The following SEPTIN9 variants were observed in gnomAD, a reference collection of about 807,000 sequenced individuals.
The protein encoded by SEPTIN9 is septin-9.
SEPTIN9 carries 13 observed loss-of-function variants against 56.6 expected under a neutral mutation model. The ratio of observed to expected loss-of-function variants is 0.23; its 90% CI spans 0.15 to 0.37. The LOEUF is 0.37. Among genes scored for constraint, SEPTIN9 ranks in the 10% least tolerant of loss-of-function variants. The probability of loss-of-function intolerance (pLI) is 1.00; values close to 1 mark genes in which losing one functional copy is unlikely to be tolerated. For synonymous variants in SEPTIN9, 332 were observed against 334.1 expected, an observed-to-expected ratio of 0.99 and a Z score of 0.07; for missense variants, 650 against 823.1, an observed-to-expected ratio of 0.79 and a Z score of 2.57.
At chr17:77,362,838 G>C (rs780017191) in intron 2 of SEPTIN9, among the ~76,000 whole-genome samples, 1 of 152,194 alleles carries the variant, frequency 6.6e-6, no homozygotes, top group Admixed American at 6.5e-5. Context: ...TTCATCTGAC[G>C]ATCCCAGGAA....
chr17:77,338,907 G>T (rs897345064), intron 2 of SEPTIN9, among the ~76,000 whole-genome samples: 12 of 152,296 alleles, frequency 7.9e-5, no homozygotes, highest in African/African-American at 2.9e-4. Context: ...ATCTTTTGTT[G>T]TCATTTCAAC....
intron 3 of SEPTIN9, among the ~76,000 whole-genome samples, chr17:77,419,263 C>CCA (rs1052743379): frequency 7.9e-5 from 12 of 152,154 alleles, no homozygotes; most frequent in Admixed American, 6.5e-4. Context: ...CTTGGGGTGT[C>CCA]GGCTGCCTCC....
chr17:77,338,787 C>T (rs992665073), intron 2 of SEPTIN9, among the ~76,000 whole-genome samples: 1 of 152,198 alleles, frequency 6.6e-6, no homozygotes. Flanking sequence ...TTCTGTGGCA[C>T]GCATTATGTT....
intron 2 of SEPTIN9, among the ~76,000 whole-genome samples, chr17:77,378,404 C>G (rs1030206307): frequency 2.6e-5 from 4 of 152,190 alleles, no homozygotes; most frequent in Admixed American, 1.3e-4. Context: ...AGAAACAGCT[C>G]TCTTTGAGGG....
rs901129268 is a variant in SEPTIN9, at chr17:77,367,542, G to A, written c.77-34517G>A. Reference sequence around the variant, plus strand: ...TTTAAGACTAAAGTGATGGCTGGGCGCAGTGGCTCACGTCTGTAATCCCAG... The same window carrying A: ...TTTAAGACTAAAGTGATGGCTGGGCACAGTGGCTCACGTCTGTAATCCCAG... On this transcript the variant is annotated intron_variant, in intron 2 of 11. Coordinates refer to ENST00000427177, the MANE Select transcript of SEPTIN9 (RefSeq NM_001113491.2). This position sits in a 1 kb window ranked among gnomAD's most constrained non-coding sequence, Gnocchi z 4.5. Among the ~76,000 whole-genome samples the A allele has an allele frequency of 5.3e-5, 8 of 152,120 alleles. No homozygotes were observed. The highest frequency in any genetic ancestry group is 1.9e-4 in the African/African-American group (8 of 41,426).
Position 77,319,479 on chromosome 17 carries a change from C to A in SEPTIN9, c.76+12282C>A. Reference sequence around the variant, plus strand: ...TAGGAATCTTCCAGGAAGTCCCCGTCCCGTTCGCCCTCTCTGCCTGGGCGG... The same window carrying A: ...TAGGAATCTTCCAGGAAGTCCCCGTACCGTTCGCCCTCTCTGCCTGGGCGG... On this transcript the variant is annotated intron_variant, in intron 2 of 11. Transcript: ENST00000427177. The surrounding 1 kb of genome is among the most constrained non-coding windows in gnomAD (Gnocchi z 5.3). The A allele has an allele frequency of 1.1e-6, 1 of 919,860 alleles. No individual in the cohort carries two copies. Among genetic ancestry groups the A allele is most frequent in the Non-Finnish European group, 1.3e-6 (1 of 755,578 alleles). The allele number at this position is 919,860 out of a possible 1,614,324, so 57.0% of individuals were successfully genotyped here. A position where few individuals can be genotyped will look rare whatever the true frequency, so the allele number is the denominator to read the frequency against.
At chr17:77,356,386 T>A (rs2034239486) in intron 2 of SEPTIN9, among the ~76,000 whole-genome samples, 1 of 151,830 alleles carries the variant, frequency 6.6e-6, no homozygotes, top group Non-Finnish European at 1.5e-5. Flanking sequence ...AACAGGGACG[T>A]GGGGTTGGAC....
At chr17:77,404,665 T>C (rs568741389) in intron 3 of SEPTIN9, among the ~76,000 whole-genome samples, 1 of 152,222 alleles carries the variant, frequency 6.6e-6, no homozygotes, top group South Asian at 2.1e-4. Context: ...CATGCTTTCA[T>C]GGGCATGTGG....
At chr17:77,373,573 T>C in intron 2 of SEPTIN9, 1 of 1,542,004 alleles carries the variant, frequency 6.5e-7, no homozygotes, top group Non-Finnish European at 8.7e-7. Flanking sequence ...GGCTGGCTGC[T>C]GCGGCCGCGG....
intron 3 of SEPTIN9, among the ~76,000 whole-genome samples, chr17:77,452,015 C>A (rs529611895): frequency 6.6e-6 from 1 of 152,288 alleles, no homozygotes; most frequent in East Asian, 1.9e-4. Context: ...CTCGAAATGC[C>A]GTAACCGAAG....
chr17:77,422,498 C>G (rs2036740945), intron 3 of SEPTIN9, among the ~76,000 whole-genome samples: 2 of 152,136 alleles, frequency 1.3e-5, no homozygotes, highest in South Asian at 2.1e-4. Flanking sequence ...CTCCAGAGTT[C>G]TAGGTGGAGG....
chr17:77,355,685 C>A (rs570348610), intron 2 of SEPTIN9, among the ~76,000 whole-genome samples: 104 of 152,184 alleles, frequency 6.8e-4, no homozygotes, highest in African/African-American at 1.9e-3. Context: ...CCGCAGAGGT[C>A]TTAGAAGTGC....
At chr17:77,384,247 T>G (rs1242735339) in intron 2 of SEPTIN9, among the ~76,000 whole-genome samples, 1 of 152,180 alleles carries the variant, frequency 6.6e-6, no homozygotes, top group Admixed American at 6.5e-5. Flanking sequence ...GCCCTGACTG[T>G]GGGACCTCGG....
rs780709377 is a variant in SEPTIN9 at position 77,475,504 on chromosome 17, A to T, written c.722-6640A>T. 2.5e-6 allele frequency: 4 copies of T among 1,608,262 alleles called. No individual in the cohort carries two copies. The highest frequency in any genetic ancestry group is 4.5e-5 in the East Asian group (2 of 44,838). On this transcript the variant is annotated intron_variant, in intron 3 of 11. Transcript: ENST00000427177. The surrounding 1 kb of genome is among the most constrained non-coding windows in gnomAD (Gnocchi z 4.6). ...CAGGGAGCATCTGTTAGTTTATAGGACCTGAAGTGCCCCCATGGGCTCAAG... is the reference window on the plus strand; with the variant it reads ...CAGGGAGCATCTGTTAGTTTATAGGTCCTGAAGTGCCCCCATGGGCTCAAG...
intron 2 of SEPTIN9, among the ~76,000 whole-genome samples, chr17:77,320,762 A>G (rs982951303): frequency 2.6e-5 from 4 of 152,192 alleles, no homozygotes; most frequent in African/African-American, 9.7e-5. Context: ...GCTTCCAGCC[A>G]AAGTCTGTCT....
In SEPTIN9 at chr17:77,453,153, G is replaced by C. The variant is rs958318581; in HGVS notation, c.722-28991G>C. On this transcript the variant is annotated intron_variant, in intron 3 of 11. Transcript: ENST00000427177. The surrounding 1 kb of genome is among the most constrained non-coding windows in gnomAD (Gnocchi z 4.4). ...GTGATGGGGCCAATTCAGCTGCGGT[G>C]GGGAGGACCCACTGTGTGCGCCTGG... is the stretch of plus-strand genomic sequence containing the variant. Among the ~76,000 whole-genome samples the C allele has an allele frequency of 1.3e-5, 2 of 152,208 alleles. No individual in the cohort carries two copies. The highest frequency in any genetic ancestry group is 4.8e-5 in the African/African-American group (2 of 41,534).
chr17:77,476,603 A>G lies in SEPTIN9; in HGVS notation c.722-5541A>G, dbSNP rs1420801070. On this transcript the variant is annotated intron_variant, in intron 3 of 11. Transcript: ENST00000427177. This position sits in a 1 kb window ranked among gnomAD's most constrained non-coding sequence, Gnocchi z 6.0. ...GAGGGAGCTGGTCCCCAGGATGAGCAGATTTGGGGGCAGTCCCCATCACGG... is the reference window on the plus strand; with the variant it reads ...GAGGGAGCTGGTCCCCAGGATGAGCGGATTTGGGGGCAGTCCCCATCACGG... 2.6e-5 allele frequency among the ~76,000 whole-genome samples: 4 copies of G among 152,228 alleles called. No homozygotes were observed. The highest frequency in any genetic ancestry group is 5.9e-5 in the Non-Finnish European group (4 of 68,028).
chr17:77,399,760 G>A (rs2035841948), intron 2 of SEPTIN9, among the ~76,000 whole-genome samples: 1 of 152,070 alleles, frequency 6.6e-6, no homozygotes, highest in Admixed American at 6.6e-5. Flanking sequence ...GGGGCCCTGG[G>A]GCTTCTGCAG....
In SEPTIN9 at chr17:77,373,564, G is replaced by A. The variant is rs1568020827; in HGVS notation, c.77-28495G>A. ...TTCGGACTTCGAAGGTGGGTGCTGG[G>A]CTGGCTGCTGCGGCCGCGGACGTGC... is the stretch of plus-strand genomic sequence containing the variant. On this transcript the variant is annotated intron_variant, in intron 2 of 11. Transcript: ENST00000427177. The A allele has an allele frequency of 3.2e-6, 5 of 1,544,582 alleles. No homozygotes were observed. In the East Asian group the frequency reaches 7.5e-5, roughly 23 times the overall value.
Sources: gnomAD v4.1 joint callset for allele counts (sites outside exome capture counted in the v4.1 genomes callset) on GRCh38, gnomAD v4.1.1 for gene constraint, Gnocchi (gnomAD v3.1) non-coding constraint, MANE v1.5 for transcripts, NCBI Gene and HGNC (gene_info 2026-07-23, HGNC 2026-07-21) for gene names.